The following CKAP2 variants were observed in gnomAD, a reference collection of about 807,000 sequenced individuals.
CKAP2 encodes the protein cytoskeleton-associated protein 2.
CKAP2 carries 46 observed loss-of-function variants against 58.4 expected under a neutral mutation model. That is an observed-to-expected ratio of 0.79 (90% confidence interval 0.62 to 1.01). The LOEUF is 1.01. Ranked by LOEUF, CKAP2 falls within the 50% of genes least tolerant of loss-of-function variation. The pLI is 0.00. For missense variants in CKAP2, 809 were observed against 796.4 expected (o/e 1.02, Z -0.19); for synonymous variants, 293 against 280.9 (o/e 1.04, Z -0.43).
intron 8 of CKAP2, among the ~76,000 whole-genome samples, chr13:52,474,521 C>G (rs1958802412): frequency 6.6e-6 from 1 of 152,118 alleles, no homozygotes; most frequent in African/African-American, 2.4e-5. Context: ...AGTTTTTAAA[C>G]AAATAGAATG....
chr13:52,465,910 T>TATATACACACATAC (rs1958661576), intron 6 of CKAP2: 3 of 334,428 alleles, frequency 9.0e-6, no homozygotes, highest in Non-Finnish European at 1.7e-5. Flanking sequence ...TATATGTATA[T>TATATACACACATAC]ATATACACAC....
At chr13:52,470,167 G>A (rs1427198897) in intron 7 of CKAP2, among the ~76,000 whole-genome samples, 1 of 150,114 alleles carries the variant, frequency 6.7e-6, no homozygotes, top group South Asian at 2.1e-4. Context: ...GTTCAGTGGC[G>A]CAATCTCGGC....
chr13:52,474,839 A>G, intron 8 of CKAP2, 56 bp from the exon 9 acceptor site: 2 of 1,530,240 alleles, frequency 1.3e-6, no homozygotes, highest in East Asian at 4.5e-5. Context: ...TCATGAAAGT[A>G]CAGAGTAAAA....
chr13:52,460,101 C>T (rs1272731050), intron 2 of CKAP2, among the ~76,000 whole-genome samples: 1 of 150,896 alleles, frequency 6.6e-6, no homozygotes, highest in Non-Finnish European at 1.5e-5. Context: ...TCAAGTAATC[C>T]CCCCACCTCG....
chr13:52,470,170 A>G (rs1264236037), intron 7 of CKAP2, among the ~76,000 whole-genome samples: 1 of 151,414 alleles, frequency 6.6e-6, no homozygotes, highest in Non-Finnish European at 1.5e-5. Flanking sequence ...CAGTGGCGCA[A>G]TCTCGGCTCA....
At chr13:52,456,485 A>G (rs1420053886) in intron 1 of CKAP2, 38 bp from the exon 2 acceptor site, 1 of 1,431,084 alleles carries the variant, frequency 7.0e-7, no homozygotes, top group Admixed American at 1.9e-5. Flanking sequence ...CGATGTTTTA[A>G]CTAATATTGA....
intron 1 of CKAP2, 33 bp downstream of exon 1, chr13:52,455,659 G>A: frequency 3.8e-6 from 2 of 530,598 alleles, no homozygotes; most frequent in Non-Finnish European, 5.8e-6. Flanking sequence ...CGGTGGCGGT[G>A]GCGGTGGCGG....
chr13:52,455,486 C>T lies in CKAP2; in HGVS notation c.-71C>T. 2 of 1,572,992 alleles carry T rather than the reference C, an allele frequency of 1.3e-6. No homozygotes were observed. Among genetic ancestry groups the T allele is most frequent in the Non-Finnish European group, 1.7e-6 (2 of 1,144,462 alleles). On this transcript the variant is annotated 5_prime_UTR_variant, in exon 1 of 9. Coordinates refer to ENST00000258607, the MANE Select transcript of CKAP2 (RefSeq NM_018204.5). ...GACGGCTTAGCCGCGGTGCAGACTG[C>T]GGCGGCGGTGGTCTGAGGAAGTTCT...
At chr13:52,456,737 T>A in intron 2 of CKAP2, 130 bp downstream of exon 2, 1 of 666,178 alleles carries the variant, frequency 1.5e-6, no homozygotes, top group Non-Finnish European at 2.6e-6. Context: ...GCTTACATAT[T>A]ATTTTACGTC....
At chr13:52,457,348 A>G (rs548384107) in intron 2 of CKAP2, among the ~76,000 whole-genome samples, 95 of 152,318 alleles carry the variant, frequency 6.2e-4, no homozygotes, top group African/African-American at 2.1e-3. Flanking sequence ...TACTCAGTGT[A>G]TGGGGGAGTT....
chr13:52,456,242 A>T lies in CKAP2; in HGVS notation c.71-281A>T, dbSNP rs78880524. ...CCATTTAGTTTCTTAAAGCTTGGCT[A>T]GCAGGAGCTGTATGTAGAAAATGAT... On this transcript the variant is annotated intron_variant, in intron 1 of 8. Transcript: ENST00000258607. 3,600 of 987,084 alleles carry T rather than the reference A, an allele frequency of 3.6e-3. 25 individuals carry two copies. Among genetic ancestry groups the T allele is most frequent in the African/African-American group, 0.018 (1,084 of 59,402 alleles). 61.1% of individuals were successfully genotyped at this position (987,084 alleles called of 1,614,324 possible).
chr13:52,469,474 T>C (rs1958728111), intron 7 of CKAP2, among the ~76,000 whole-genome samples: 1 of 152,210 alleles, frequency 6.6e-6, no homozygotes, highest in Non-Finnish European at 1.5e-5. Context: ...ATAAAAACAT[T>C]TTAAGATTCA....
chr13:52,466,074 T>G (rs1254932783), intron 6 of CKAP2, among the ~76,000 whole-genome samples: 3 of 151,998 alleles, frequency 2.0e-5, no homozygotes, highest in Admixed American at 1.3e-4. Flanking sequence ...ATGTATACAC[T>G]GTATATATTG....
chr13:52,456,688 G>A (rs184432125), intron 2 of CKAP2, 81 bp downstream of exon 2: 3 of 1,118,356 alleles, frequency 2.7e-6, no homozygotes, highest in South Asian at 1.4e-5. Flanking sequence ...AGCCATATCT[G>A]TAATTTTAAA....
At chr13:52,470,019 A>C (rs887482492) in intron 7 of CKAP2, among the ~76,000 whole-genome samples, 1 of 152,196 alleles carries the variant, frequency 6.6e-6, no homozygotes, top group Non-Finnish European at 1.5e-5. Context: ...ACAGTCAACA[A>C]ATATTTGAGT....
At chr13:52,471,333 A>G (rs1958758957) in intron 7 of CKAP2, among the ~76,000 whole-genome samples, 1 of 152,170 alleles carries the variant, frequency 6.6e-6, no homozygotes, top group Admixed American at 6.5e-5. Context: ...GGATAGTACT[A>G]GTTGGTGTTT....
In CKAP2 at chr13:52,465,310, G is replaced by T; in HGVS notation, c.1321G>T (p.Asp441Tyr). 1 of 1,608,236 alleles carries T rather than the reference G, an allele frequency of 6.2e-7. No homozygotes were observed. Among genetic ancestry groups the T allele is most frequent in the South Asian group, 1.1e-5 (1 of 89,972 alleles). Residue 441 changes from aspartate to tyrosine, a missense_variant, in exon 6 of 9, where the codon GAT (aspartate) becomes TAT (tyrosine). By Grantham distance (160) the Asp-to-Tyr change is radical (BLOSUM62 -3). Transcript: ENST00000258607. ...GCTTTTTTAGGGATGTCCAAAAGAA[G>T]ATATACTGGTCACACTGAATGACCT... ...NLINEGCPKEDILVTLNDLIK... is the reference protein window; with the variant it reads ...NLINEGCPKEYILVTLNDLIK...
At chr13:52,474,764 T>G (rs1958805076) in intron 8 of CKAP2, 131 bp from the exon 9 acceptor site, 2 of 860,358 alleles carry the variant, frequency 2.3e-6, no homozygotes, top group Admixed American at 2.9e-5. Flanking sequence ...TTATAGTACC[T>G]CTCTAAAAGA....
chr13:52,470,898 G>A (rs1361640558), intron 7 of CKAP2, among the ~76,000 whole-genome samples: 1 of 151,920 alleles, frequency 6.6e-6, no homozygotes, highest in East Asian at 2.0e-4. Flanking sequence ...GGTGGCTCAC[G>A]CCTGTAATCC....
Sources: allele counts gnomAD v4.1 joint callset (sites outside exome capture counted in the v4.1 genomes callset), GRCh38; gene constraint gnomAD v4.1.1; transcripts MANE v1.5; gene names NCBI Gene and HGNC (gene_info 2026-07-23, HGNC 2026-07-21).